SSH2: variants seen among roughly 807,000 people sequenced by gnomAD.
SSH2 encodes protein phosphatase Slingshot homolog 2.
Under a neutral mutation model 135.2 loss-of-function variants are expected in SSH2, and 37 were observed. That is an observed-to-expected ratio of 0.27 (90% CI 0.21 to 0.36). The LOEUF is 0.36. Ranked by LOEUF, SSH2 falls within the 10% of genes least tolerant of loss-of-function variation. The pLI is 1.00. For missense variants in SSH2, 1,408 were observed against 1,765.3 expected (o/e 0.80, Z 3.63); for synonymous variants, 628 against 646.2 (o/e 0.97, Z 0.43).
intron 1 of SSH2, among the ~76,000 whole-genome samples, chr17:29,903,422 T>A (rs960262033): frequency 1.1e-4 from 17 of 151,380 alleles, no homozygotes; most frequent in African/African-American, 3.9e-4. Context: ...TTTCAGAATA[T>A]CTGCTTGGAA....
chr17:29,926,503 G>A (rs890676960), intron 1 of SSH2, among the ~76,000 whole-genome samples: 5 of 151,208 alleles, frequency 3.3e-5, no homozygotes, highest in Admixed American at 2.6e-4. Flanking sequence ...GCAGTGAGCC[G>A]AGATTGTGCT....
intron 3 of SSH2, among the ~76,000 whole-genome samples, chr17:29,711,488 A>G (rs1429300691): frequency 6.6e-6 from 1 of 152,262 alleles, no homozygotes. Context: ...TGACAGAGAC[A>G]TAATTTAGGA....
intron 3 of SSH2, among the ~76,000 whole-genome samples, chr17:29,786,967 T>G (rs994038766): frequency 1.2e-4 from 18 of 152,202 alleles, no homozygotes; most frequent in African/African-American, 3.9e-4. Flanking sequence ...ATAAATACAT[T>G]GTTTCTTAAT....
chr17:29,709,307 G>A (rs920227484), intron 3 of SSH2, among the ~76,000 whole-genome samples: 4 of 151,966 alleles, frequency 2.6e-5, no homozygotes, highest in East Asian at 3.9e-4. Context: ...TGTTGTTTTC[G>A]CTTTATGATA....
At chr17:29,783,280 A>G (rs1598991492) in intron 3 of SSH2, among the ~76,000 whole-genome samples, 1 of 140,412 alleles carries the variant, frequency 7.1e-6, no homozygotes, top group East Asian at 2.0e-4. Flanking sequence ...ATATTTATAT[A>G]TTATATATAT....
chr17:29,632,089 C>G lies in SSH2; in HGVS notation c.3105G>C (p.Arg1035Ser). Reference protein sequence around the residue: ...TQAVPLPLPKRVEIIEYTHIV... With the variant: ...TQAVPLPLPKSVEIIEYTHIV... ...TGTGGGTATATTCAATGATTTCTAC[C>G]CTCTTGGGAAGGGGAAGAGGGACTG... The change falls in exon 16 of 16, where the codon AGG becomes AGC. Residue 1035 changes from arginine (R) to serine (S), a missense_variant. By Grantham distance (110) the Arg-to-Ser change is moderately radical. Coordinates refer to ENST00000540801, the MANE Select transcript of SSH2 (RefSeq NM_001282129.2). The G allele has an allele frequency of 6.2e-7, 1 of 1,614,142 alleles. No individual in the cohort carries two copies. The highest frequency in any genetic ancestry group is 8.5e-7 in the Non-Finnish European group (1 of 1,180,030).
intron 1 of SSH2, among the ~76,000 whole-genome samples, chr17:29,872,735 G>A (rs1178920071): frequency 6.6e-6 from 1 of 152,156 alleles, no homozygotes; most frequent in Non-Finnish European, 1.5e-5. Context: ...GGTGGCTCAC[G>A]CCTGTAATTC....
At chr17:29,929,826 A>G (rs111605484) in intron 1 of SSH2, 112 bp downstream of exon 1, 2 of 1,004,450 alleles carry the variant, frequency 2.0e-6, no homozygotes, top group Non-Finnish European at 3.0e-6. Context: ...GCCGAGTGCC[A>G]AGGCCTGGGA....
intron 3 of SSH2, among the ~76,000 whole-genome samples, chr17:29,781,988 G>A (rs1242488143): frequency 6.6e-6 from 1 of 151,958 alleles, no homozygotes. Flanking sequence ...TAGGATTACA[G>A]GTGTGCGCCA....
chr17:29,678,135 C>T (rs2037808128), intron 6 of SSH2, among the ~76,000 whole-genome samples: 1 of 151,250 alleles, frequency 6.6e-6, no homozygotes, highest in Non-Finnish European at 1.5e-5. Context: ...ACTCTGTTGC[C>T]CAGGCTGGAG....
At chr17:29,926,647 C>A (rs1187708507) in intron 1 of SSH2, among the ~76,000 whole-genome samples, 1 of 152,064 alleles carries the variant, frequency 6.6e-6, no homozygotes, top group East Asian at 1.9e-4. Flanking sequence ...CAAGTTCAAA[C>A]TCCAAACTCC....
At chr17:29,894,577 T>G (rs1400641126) in intron 1 of SSH2, among the ~76,000 whole-genome samples, 1 of 152,138 alleles carries the variant, frequency 6.6e-6, no homozygotes, top group African/African-American at 2.4e-5. Flanking sequence ...ATTTTTATTA[T>G]GGTATTGTTA....
chr17:29,912,966 A>G (rs192998360), intron 1 of SSH2, among the ~76,000 whole-genome samples: 62 of 151,752 alleles, frequency 4.1e-4, no homozygotes, highest in Non-Finnish European at 5.7e-4. Flanking sequence ...ACAACTTCCT[A>G]TATCTCAATC....
At chr17:29,707,650 C>T (rs1393607432) in intron 3 of SSH2, among the ~76,000 whole-genome samples, 2 of 151,808 alleles carry the variant, frequency 1.3e-5, no homozygotes, top group Non-Finnish European at 2.9e-5. Flanking sequence ...CTCAGCCTCG[C>T]GAACAGCTGG....
chr17:29,702,379 G>A (rs2039020501), intron 4 of SSH2, among the ~76,000 whole-genome samples: 1 of 151,068 alleles, frequency 6.6e-6, no homozygotes, highest in Admixed American at 6.6e-5. Context: ...CCCTGGCCGG[G>A]CGTGGTGGCT....
At chr17:29,871,514 G>A (rs1265253828) in intron 1 of SSH2, among the ~76,000 whole-genome samples, 1 of 152,048 alleles carries the variant, frequency 6.6e-6, no homozygotes, top group Admixed American at 6.6e-5. Context: ...GCCATTTGTA[G>A]GCAATTCTTT....
chr17:29,672,126 A>C lies in SSH2; in HGVS notation c.618T>G (p.Ser206=). 1 of 1,612,128 alleles carries C rather than the reference A, an allele frequency of 6.2e-7. No homozygotes were observed. Among genetic ancestry groups the C allele is most frequent in the Non-Finnish European group, 8.5e-7 (1 of 1,178,768 alleles). ...AAGCCTTGTGTAAGCTCTGTAGTGC[A>C]GACCTGAAAGACATGCTGGGAAATG... is the stretch of plus-strand genomic sequence containing the variant. The part of the protein sequence containing the change: ...FKPVSVQAMW[S]ALQSLHKACE... Residue 206 remains serine (S), a synonymous_variant, in exon 9 of 16, where the codon TCT becomes TCG. Coordinates refer to ENST00000540801, the MANE Select transcript of SSH2 (RefSeq NM_001282129.2).
At chr17:29,695,964 T>G (rs1208127724) in intron 4 of SSH2, among the ~76,000 whole-genome samples, 1 of 152,144 alleles carries the variant, frequency 6.6e-6, no homozygotes, top group Non-Finnish European at 1.5e-5. Context: ...AACCATTTTT[T>G]CATTCCTATT....
intron 1 of SSH2, among the ~76,000 whole-genome samples, chr17:29,896,704 G>A (rs986242316): frequency 1.3e-5 from 2 of 150,656 alleles, no homozygotes; most frequent in African/African-American, 2.4e-5. Context: ...AATTTTCTAT[G>A]TATCATATGT....
Sources: gnomAD v4.1 joint callset for allele counts (sites outside exome capture counted in the v4.1 genomes callset) on GRCh38, gnomAD v4.1.1 for gene constraint, MANE v1.5 for transcripts, NCBI Gene and HGNC (gene_info 2026-07-23, HGNC 2026-07-21) for gene names.